EHMT1: variants seen among roughly 807,000 people sequenced by gnomAD.
EHMT1 encodes the protein euchromatic histone lysine methyltransferase 1, also known as histone-lysine N-methyltransferase EHMT1.
Under a neutral mutation model 147.2 loss-of-function variants are expected in EHMT1, and 15 were observed. That is an observed-to-expected ratio of 0.10 (90% CI 0.07 to 0.16). The LOEUF (loss-of-function observed/expected upper bound fraction) is 0.16, where lower values mean the gene tolerates loss of function less well. Among genes scored for constraint, EHMT1 ranks in the 10% least tolerant of loss-of-function variants. EHMT1 has a pLI of 1.00. For synonymous variants in EHMT1, 795 were observed against 709.6 expected (o/e 1.12, Z -1.91); for missense variants, 1,587 against 1,772.4 (o/e 0.90, Z 1.88).
At chr9:137,625,226 CGAACCTTTA>C (rs1392766018) in intron 1 of EHMT1, among the ~76,000 whole-genome samples, 1 of 152,138 alleles carries the variant, frequency 6.6e-6, no homozygotes, top group African/African-American at 2.4e-5. Context: ...ATTCCCTTGC[CGAACCTTTA>C]GGATCGTTGC....
chr9:137,762,523 G>GC, intron 9 of EHMT1, 152 bp from the exon 10 acceptor site: 1 of 1,363,080 alleles, frequency 7.3e-7, no homozygotes, highest in South Asian at 1.3e-5. Flanking sequence ...GGCCATCCCC[G>GC]CCCCACGCAG....
At chr9:137,632,755 C>T (rs1372208312) in intron 1 of EHMT1, among the ~76,000 whole-genome samples, 1 of 152,150 alleles carries the variant, frequency 6.6e-6, no homozygotes, top group Non-Finnish European at 1.5e-5. Flanking sequence ...CGGCCTAGAC[C>T]ACTTCTTCAA....
At chr9:137,624,307 CTTTT>C (rs1252295320) in intron 1 of EHMT1, among the ~76,000 whole-genome samples, 1 of 130,788 alleles carries the variant, frequency 7.6e-6, no homozygotes, top group Admixed American at 7.7e-5. Context: ...TGCCCGGCCT[CTTTT>C]TTTTTTTTTT....
In EHMT1 at chr9:137,710,979, AG is replaced by A. The variant is rs1564618717; in HGVS notation, c.40del (p.Glu14SerfsTer8). 3.8e-6 allele frequency: 6 copies of A among 1,597,978 alleles called. No individual in the cohort carries two copies. Among genetic ancestry groups the A allele is most frequent in the East Asian group, 2.3e-5 (1 of 44,258 alleles). ...AAADAEAVPA[R>X]GEPQQDCCVK... ...TTCTCTCTAACAGGCAGTTCCGGCG[AG>A]GGGGGAGCCTCAGCAGGATTGCTGT... On this transcript the variant is annotated frameshift_variant, in exon 2 of 27. Transcript: ENST00000460843. LOFTEE classifies it high-confidence loss of function.
chr9:137,728,274 G>A, intron 3 of EHMT1, 75 bp from the exon 4 acceptor site: 12 of 1,590,702 alleles, frequency 7.5e-6, no homozygotes, highest in Non-Finnish European at 1.0e-5. Flanking sequence ...GAGAAGAACT[G>A]TGATTTTGGT....
At position 137,728,479 on chromosome 9, in the gene EHMT1, A is replaced by G; in HGVS notation, c.773A>G (p.Gln258Arg). The change falls in exon 4 of 27, where the codon CAG becomes CGG. Residue 258 changes from glutamine to arginine, a missense_variant. Physicochemically the swap from Gln to Arg is conservative, Grantham distance 43. This residue lies in a region of EHMT1 where 810 missense variants were observed against 673.0 expected (regional missense o/e 1.20). Coordinates refer to ENST00000460843, the MANE Select transcript of EHMT1 (RefSeq NM_024757.5). ...QLLPPFPSLH[Q>R]SLPQNQCYMA... is the part of the protein sequence containing the mutation. ...TTACCCCCCTTCCCATCCCTTCATC[A>G]GTCGCTACCTCAGAACCAGTGCTAC... The G allele has an allele frequency of 6.2e-7, 1 of 1,614,138 alleles. No homozygotes were observed. Among genetic ancestry groups the G allele is most frequent in the Non-Finnish European group, 8.5e-7 (1 of 1,180,026 alleles).
Position 137,798,984 on chromosome 9 carries a change from C to A in EHMT1, c.2607+70C>A, listed in dbSNP as rs1443182192. The A allele has an allele frequency of 3.2e-6, 4 of 1,263,266 alleles. No individual in the cohort carries two copies. The South Asian group carries it at 3.6e-5, about 11-fold the overall frequency. 78.3% of individuals were successfully genotyped at this position (1,263,266 alleles called of 1,614,324 possible). ...TACGGAAACTCACTGTTCTGCAGCT[C>A]CTGGTCCCACCCCCATTCTCCATGG... is the stretch of plus-strand genomic sequence containing the variant. On this transcript the variant is annotated intron_variant, in intron 17 of 26. Transcript: ENST00000460843.
In EHMT1 at chr9:137,716,826, G is replaced by T. The variant is rs1450025062; in HGVS notation, c.286G>T (p.Val96Phe). The T allele has an allele frequency of 1.4e-5, 22 of 1,613,332 alleles. No individual in the cohort carries two copies. Among genetic ancestry groups the T allele is most frequent in the Non-Finnish European group, 1.9e-5 (22 of 1,179,910 alleles). Residue 96 changes from valine (V) to phenylalanine (F), a missense_variant, in exon 3 of 27, where the codon GTT (valine) becomes TTT (phenylalanine). Val to Phe is a conservative substitution (Grantham distance 50). This residue lies in a region of EHMT1 where 810 missense variants were observed against 673.0 expected (regional missense o/e 1.20). Transcript: ENST00000460843. ...NTLTRIAENG[V>F]SERDSEAAKQ... ...ACTAACTCGGATAGCGGAAAATGGG[G>T]TTTCAGAAAGAGACTCAGAAGCGGC...
Position 137,717,152 on chromosome 9 carries a change from C to G in EHMT1, c.612C>G (p.Arg204=), listed in dbSNP as rs761011742. 11 of 1,612,386 alleles carry G rather than the reference C, an allele frequency of 6.8e-6. 1 individual carries two copies. The Middle Eastern group carries it at 1.3e-3, about 194-fold the overall frequency. The part of the protein sequence containing the change: ...PGADVKVHRA[R]KTMPKSVVGL... ...CCGACGTCAAGGTCCACAGGGCACG[C>G]AAGACCATGCCGAAGTCCGTCGTGG... The change falls in exon 3 of 27, where the codon CGC becomes CGG. Residue 204 remains arginine (R), a synonymous_variant. Transcript: ENST00000460843.
Position 137,619,024 on chromosome 9 carries a change from G to C in EHMT1, c.-5G>C. ...AGGGGCGGGGCCACGCTGCGGGCCC[G>C]GGCCATGGCCGCCGCCGATGCCGAG... On this transcript the variant is annotated 5_prime_UTR_variant, in exon 1 of 27. Coordinates refer to ENST00000460843, the MANE Select transcript of EHMT1 (RefSeq NM_024757.5). 6.2e-6 allele frequency: 6 copies of C among 972,572 alleles called. No homozygotes were observed. Among genetic ancestry groups the C allele is most frequent in the Non-Finnish European group, 7.3e-6 (6 of 819,902 alleles). 60.2% of individuals were successfully genotyped at this position (972,572 alleles called of 1,614,324 possible).
chr9:137,631,133 C>A (rs138711982), intron 1 of EHMT1, among the ~76,000 whole-genome samples: 10 of 152,182 alleles, frequency 6.6e-5, no homozygotes, highest in Non-Finnish European at 1.5e-4. Flanking sequence ...GCCTGTAATC[C>A]CACCACTTTG....
intron 10 of EHMT1, among the ~76,000 whole-genome samples, chr9:137,766,170 A>G (rs1395693669): frequency 6.6e-6 from 1 of 152,156 alleles, no homozygotes; most frequent in Non-Finnish European, 1.5e-5. Context: ...GCCCAAAATG[A>G]AGGGCCATGT....
At chr9:137,721,023 C>A (rs1588358906) in intron 3 of EHMT1, among the ~76,000 whole-genome samples, 1 of 77,732 alleles carries the variant, frequency 1.3e-5, no homozygotes, top group East Asian at 2.6e-4. Flanking sequence ...GCGTCCTCGC[C>A]AGCGTTAGCT....
At chr9:137,744,798 A>C (rs1474806429) in intron 6 of EHMT1, among the ~76,000 whole-genome samples, 1 of 152,042 alleles carries the variant, frequency 6.6e-6, no homozygotes, top group Non-Finnish European at 1.5e-5. Flanking sequence ...TCCTGTGTCC[A>C]CCCAAGGACA....
chr9:137,811,191 A>G lies in EHMT1; in HGVS notation c.2713-270A>G, dbSNP rs368254068. On this transcript the variant is annotated intron_variant, in intron 18 of 26. Coordinates refer to ENST00000460843, the MANE Select transcript of EHMT1 (RefSeq NM_024757.5). ...TCTGGATGACCTTTTCCCTATTTTT[A>G]TTCTTTACTGTGATTATGCTACTTT... Among the ~76,000 whole-genome samples the G allele has an allele frequency of 5.3e-5, 8 of 152,258 alleles. No individual in the cohort carries two copies. The East Asian group carries it at 1.5e-3, about 29-fold the overall frequency.
intron 1 of EHMT1, among the ~76,000 whole-genome samples, chr9:137,700,265 C>CATT (rs1943726064): frequency 6.6e-6 from 1 of 152,152 alleles, no homozygotes; most frequent in Non-Finnish European, 1.5e-5. Flanking sequence ...GCCTGTAGTG[C>CATT]CCACCTCCCC....
intron 25 of EHMT1, among the ~76,000 whole-genome samples, chr9:137,829,825 C>G (rs559688917): frequency 6.6e-6 from 1 of 152,236 alleles, no homozygotes; most frequent in Non-Finnish European, 1.5e-5. Context: ...ACACTCACAC[C>G]GGGGCTGCTG....
chr9:137,643,543 T>C (rs180868879), intron 1 of EHMT1, among the ~76,000 whole-genome samples: 22 of 152,104 alleles, frequency 1.4e-4, no homozygotes, highest in Non-Finnish European at 2.9e-4. Flanking sequence ...AGAGACGGGG[T>C]TTCACCGTGT....
intron 1 of EHMT1, among the ~76,000 whole-genome samples, chr9:137,663,498 A>G (rs1194597170): frequency 6.6e-6 from 1 of 152,226 alleles, no homozygotes. Context: ...AAAGAAAAAG[A>G]AACATAAACT....
Sources: allele counts gnomAD v4.1 joint callset (sites outside exome capture counted in the v4.1 genomes callset), GRCh38; gene constraint gnomAD v4.1.1; regional missense constraint gnomAD v4.1.1; transcripts MANE v1.5; gene names NCBI Gene and HGNC (gene_info 2026-07-23, HGNC 2026-07-21).